RASL12: variants seen among roughly 807,000 people sequenced by gnomAD.
RASL12 encodes the protein ras-like protein family member 12.
RASL12 carries 16 observed loss-of-function variants against 22.9 expected under a neutral mutation model. The observed-to-expected ratio is 0.70, with a 90% CI of 0.47 to 1.06. The LOEUF (loss-of-function observed/expected upper bound fraction) is 1.06. Among genes scored for constraint, RASL12 ranks in the 50% least tolerant of loss-of-function variants. The probability of loss-of-function intolerance (pLI) is 0.00; values close to 1 mark genes in which losing one functional copy is unlikely to be tolerated. For synonymous variants in RASL12, 159 were observed against 152.2 expected (o/e 1.04, Z -0.33); for missense variants, 306 against 353.1 (o/e 0.87, Z 1.07).
chr15:65,072,155 G>C (rs762049448), upstream of RASL12, among the ~76,000 whole-genome samples: 1 of 152,210 alleles, frequency 6.6e-6, no homozygotes, highest in Non-Finnish European at 1.5e-5. Flanking sequence ...CTTGGGGAAA[G>C]AAAGAAACTG....
upstream of RASL12, among the ~76,000 whole-genome samples, chr15:65,069,503 C>T (rs572145523): frequency 2.6e-5 from 4 of 152,188 alleles, no homozygotes; most frequent in African/African-American, 7.2e-5. Context: ...TGGGCCTGCA[C>T]GGGCCCAACT....
chr15:65,051,652 G>A (rs1374578429), downstream of RASL12: 3 of 1,571,054 alleles, frequency 1.9e-6, no homozygotes, highest in Admixed American at 5.0e-5. Context: ...GTGGGGTAGA[G>A]GCCCTGCCTT....
At chr15:65,074,457 G>A (rs1595911338) in intron 1 of RASL12, among the ~76,000 whole-genome samples, 2 of 151,616 alleles carry the variant, frequency 1.3e-5, no homozygotes, top group East Asian at 1.9e-4. Context: ...GCAATGGCAC[G>A]AGCTCGGCTC....
rs575248914 is a variant in RASL12, at chr15:65,065,334, C to T, written c.104-61G>A. The T allele has an allele frequency of 3.2e-4, 485 of 1,512,360 alleles. 5 individuals are homozygous for T. In the South Asian group the frequency reaches 4.0e-3, roughly 12 times the overall value. 93.7% of individuals were successfully genotyped at this position (1,512,360 alleles called of 1,614,324 possible). On this transcript the variant is annotated intron_variant, in intron 1 of 4. Coordinates refer to ENST00000220062, the MANE Select transcript of RASL12 (RefSeq NM_016563.4). Reference sequence around the variant, plus strand: ...CGGCCATGTCTAGCTGCTGGCCCCTCGTTTAAGGGAGGCCTTATCTAACCT... The same window carrying T: ...CGGCCATGTCTAGCTGCTGGCCCCTTGTTTAAGGGAGGCCTTATCTAACCT...
chr15:65,063,914 G>T (rs1174602212), intron 2 of RASL12, among the ~76,000 whole-genome samples: 1 of 152,190 alleles, frequency 6.6e-6, no homozygotes, highest in Non-Finnish European at 1.5e-5. Flanking sequence ...AGCGCAGGGG[G>T]TTTCCACTGT....
chr15:65,076,194 C>T (rs1158429751), intron 1 of RASL12, among the ~76,000 whole-genome samples: 1 of 152,220 alleles, frequency 6.6e-6, no homozygotes, highest in Non-Finnish European at 1.5e-5. Flanking sequence ...GCTCATATCC[C>T]CTTCCACACT....
At chr15:65,049,776 C>T, downstream of RASL12, 1 of 418,664 alleles carries the variant, frequency 2.4e-6, no homozygotes, top group Non-Finnish European at 4.3e-6. Context: ...TCCACGTGCT[C>T]CTGGGTTCGT....
intron 1 of RASL12, among the ~76,000 whole-genome samples, chr15:65,066,105 AAGAAAGAAGAAAGAGAG>A (rs1566956566): frequency 2.0e-5 from 3 of 150,520 alleles, no homozygotes; most frequent in African/African-American, 7.3e-5. Flanking sequence ...AGGAAAGAGA[AAGAAAGAAGAAAGAGAG>A]AGAAAGAAGA....
intron 1 of RASL12, among the ~76,000 whole-genome samples, chr15:65,073,159 T>C (rs1034008658): frequency 5.3e-5 from 8 of 152,212 alleles, no homozygotes; most frequent in East Asian, 1.9e-4. Context: ...CCCAACCTTT[T>C]TGGCACCAGG....
chr15:65,057,504 A>G (rs563442384), intron 4 of RASL12, among the ~76,000 whole-genome samples: 2 of 152,342 alleles, frequency 1.3e-5, no homozygotes, highest in Non-Finnish European at 2.9e-5. Context: ...CCCCACCTCA[A>G]AGCATTCCAA....
downstream of RASL12, among the ~76,000 whole-genome samples, chr15:65,048,678 C>T (rs1048355740): frequency 7.9e-5 from 12 of 152,186 alleles, no homozygotes; most frequent in Admixed American, 7.9e-4. Flanking sequence ...CTCCCCAAGA[C>T]ACAGCTTAAT....
chr15:65,046,788 C>T, the RASL12 span, among the ~76,000 whole-genome samples: 1 of 152,016 alleles, frequency 6.6e-6, no homozygotes, highest in Admixed American at 6.6e-5. Context: ...TGGCACATGC[C>T]TGTTGTACCA....
chr15:65,062,063 CAAAAA>C (rs547999122), intron 2 of RASL12, among the ~76,000 whole-genome samples: 1 of 77,422 alleles, frequency 1.3e-5, no homozygotes. Context: ...CCTGGGTGAC[CAAAAA>C]AAAAAAAAAA....
At position 65,054,982 on chromosome 15, in the gene RASL12, G is replaced by C; in HGVS notation, c.718C>G (p.Leu240Val). The change falls in exon 5 of 5, where the codon CTG becomes GTG. Residue 240 changes from leucine to valine, a missense_variant. By Grantham distance (32) the Leu-to-Val change is conservative (BLOSUM62 1). Coordinates refer to ENST00000220062, the MANE Select transcript of RASL12 (RefSeq NM_016563.4). Reference protein sequence around the residue: ...KEMPTVAQAKLVTVKSSRAQS... With the variant: ...KEMPTVAQAKVVTVKSSRAQS... Reference sequence around the variant, plus strand: ...GCCCGGGATGACTTCACGGTGACCAGCTTGGCCTGGGCCACAGTGGGCATC... The same window carrying C: ...GCCCGGGATGACTTCACGGTGACCACCTTGGCCTGGGCCACAGTGGGCATC... The C allele has an allele frequency of 1.2e-6, 2 of 1,614,198 alleles. No homozygotes were observed. Among genetic ancestry groups the C allele is most frequent in the Non-Finnish European group, 1.7e-6 (2 of 1,180,016 alleles).
At chr15:65,063,922 T>C (rs1188300097) in intron 2 of RASL12, among the ~76,000 whole-genome samples, 6 of 152,166 alleles carry the variant, frequency 3.9e-5, no homozygotes, top group Admixed American at 3.9e-4. Flanking sequence ...GGGTTTCCAC[T>C]GTGTCACAAA....
upstream of RASL12, among the ~76,000 whole-genome samples, chr15:65,072,921 G>C (rs971057857): frequency 4.6e-5 from 7 of 152,170 alleles, no homozygotes; most frequent in Non-Finnish European, 8.8e-5. Context: ...AGGATCACTT[G>C]AGGTCAAGAG....
upstream of RASL12, chr15:65,068,287 C>T (rs940227087): frequency 3.0e-6 from 3 of 985,280 alleles, no homozygotes; most frequent in Non-Finnish European, 3.6e-6. This position sits in a 1 kb window ranked among gnomAD's most constrained non-coding sequence, Gnocchi z 4.2. Context: ...CCCACTCAAT[C>T]TCTTTTCACC....
At chr15:65,063,208 C>CA (rs11346505) in intron 2 of RASL12, among the ~76,000 whole-genome samples, 4 of 150,064 alleles carry the variant, frequency 2.7e-5, no homozygotes, top group South Asian at 4.2e-4. Flanking sequence ...ATCTGAATCT[C>CA]AAAAAAAAAA....
chr15:65,057,558 C>T (rs938782761), intron 4 of RASL12, among the ~76,000 whole-genome samples: 12 of 152,178 alleles, frequency 7.9e-5, no homozygotes, highest in African/African-American at 2.7e-4. Context: ...CAAAATATGG[C>T]TGCAGTATTC....
Sources: gnomAD v4.1 joint callset for allele counts (sites outside exome capture counted in the v4.1 genomes callset) on GRCh38, gnomAD v4.1.1 for gene constraint, Gnocchi (gnomAD v3.1) non-coding constraint, MANE v1.5 for transcripts, NCBI Gene and HGNC (gene_info 2026-07-23, HGNC 2026-07-21) for gene names.